The following EPB41L3 variants were observed in gnomAD, a reference collection of about 807,000 sequenced individuals.
EPB41L3 encodes the protein erythrocyte membrane protein band 4.1 like 3.
In EPB41L3, 57 loss-of-function variants were observed where a neutral mutation model predicts 127.1. The ratio of observed to expected loss-of-function variants is 0.45; its 90% CI spans 0.36 to 0.56. The LOEUF (loss-of-function observed/expected upper bound fraction) is 0.56, where lower values mean the gene tolerates loss of function less well. EPB41L3 is among the 20% of genes least tolerant of loss of function. The probability of loss-of-function intolerance (pLI) is 0.00; values close to 1 mark genes in which losing one functional copy is unlikely to be tolerated. For synonymous variants in EPB41L3, 572 were observed against 549.5 expected (o/e 1.04, Z -0.57); for missense variants, 1,273 against 1,372.2 (o/e 0.93, Z 1.14).
intron 1 of EPB41L3, among the ~76,000 whole-genome samples, chr18:5,513,024 G>T (rs1409052811): frequency 6.6e-6 from 1 of 152,180 alleles, no homozygotes; most frequent in African/African-American, 2.4e-5. Flanking sequence ...GGGTGCTTGG[G>T]CATCTGGTGG....
chr18:5,410,204 T>C (rs1230104337), intron 14 of EPB41L3, among the ~76,000 whole-genome samples: 1 of 149,256 alleles, frequency 6.7e-6, no homozygotes, highest in Non-Finnish European at 1.5e-5. Context: ...TCATTTGAGA[T>C]AGAATTTTTT....
intron 1 of EPB41L3, among the ~76,000 whole-genome samples, chr18:5,525,383 A>G (rs1369178434): frequency 6.6e-6 from 1 of 152,218 alleles, no homozygotes; most frequent in African/African-American, 2.4e-5. Context: ...CAGTAACACA[A>G]TGAGGCCAGC....
At chr18:5,566,837 A>G (rs2027687) in intron 3 of EPB41L3, among the ~76,000 whole-genome samples, 86,338 of 143,338 alleles carry the variant, frequency 0.6, 26,552 homozygotes, top group African/African-American at 0.62. Context: ...ATGGAGTCTC[A>G]CTCTCATGCC....
intron 16 of EPB41L3, among the ~76,000 whole-genome samples, chr18:5,402,052 G>T (rs1023572766): frequency 4.0e-5 from 6 of 151,716 alleles, no homozygotes; most frequent in South Asian, 4.1e-4. Flanking sequence ...TCATTTGTTT[G>T]CAAGAGATTG....
chr18:5,594,199 T>C (rs1719942), intron 3 of EPB41L3, among the ~76,000 whole-genome samples: 60,686 of 152,008 alleles, frequency 0.4, 12,770 homozygotes, highest in Non-Finnish European at 0.47. Flanking sequence ...TATAAAAGTA[T>C]TAATTTGGGG....
rs1470541052 is a variant in EPB41L3 at position 5,408,296 on chromosome 18, CAG to C, written c.2122-562_2122-561del. 5.1e-3 allele frequency among the ~76,000 whole-genome samples: 682 copies of C among 133,316 alleles called. 25 individuals carry two copies. The Admixed American group carries it at 0.051, about 10-fold the overall frequency. 87.5% of individuals were successfully genotyped at this position (133,316 alleles called of 152,430 possible). A position where few individuals can be genotyped will look rare whatever the true frequency, so the allele number is the denominator to read the frequency against. ...TTCTTTTTTTTTTTTTTTTTTGAGA[CAG>C]AGTCTCGCTTTGTTGTCCAGGCTGG... On this transcript the variant is annotated intron_variant, in intron 14 of 22. Coordinates refer to ENST00000341928, the MANE Select transcript of EPB41L3 (RefSeq NM_012307.5).
intron 14 of EPB41L3, 52 bp from the exon 15 acceptor site, chr18:5,407,788 TAA>T (rs1293347478): frequency 6.4e-7 from 1 of 1,569,656 alleles, no homozygotes; most frequent in South Asian, 1.1e-5. Flanking sequence ...CAATTTACTC[TAA>T]GATTGAAGAA....
At chr18:5,408,931 A>G (rs2075847119) in intron 14 of EPB41L3, among the ~76,000 whole-genome samples, 1 of 152,246 alleles carries the variant, frequency 6.6e-6, no homozygotes, top group African/African-American at 2.4e-5. Context: ...TTGTGCTAGA[A>G]GAGGAGACCC....
chr18:5,516,028 G>C (rs538033087), intron 1 of EPB41L3, among the ~76,000 whole-genome samples: 2 of 152,336 alleles, frequency 1.3e-5, no homozygotes, highest in South Asian at 2.1e-4. Flanking sequence ...CCCATAGAAA[G>C]TTAGACATGC....
rs1260829490 is a variant in EPB41L3 at position 5,480,967 on chromosome 18, AAC to A, written c.184-2531_184-2530del. 7 of 152,220 alleles carry A rather than the reference AAC, an allele frequency of 4.6e-5. No homozygotes were observed. In the South Asian group the frequency reaches 6.2e-4, roughly 13 times the overall value. 9.4% of individuals were successfully genotyped at this position (152,220 alleles called of 1,614,324 possible). A position where few individuals can be genotyped will look rare whatever the true frequency, so the allele number is the denominator to read the frequency against. On this transcript the variant is annotated intron_variant, in intron 2 of 22. Transcript: ENST00000341928. Reference sequence around the variant, plus strand: ...TTTTAAATGTTTGAAGATTAAAAAAAACAAAATAAACAAAAAGAAAGCCAGAC... The same window carrying A: ...TTTTAAATGTTTGAAGATTAAAAAAAAAAATAAACAAAAAGAAAGCCAGAC...
chr18:5,543,923 C>T lies in EPB41L3; in HGVS notation c.-22G>A. On this transcript the variant is annotated 5_prime_UTR_variant, in exon 1 of 23. Transcript: ENST00000341928. The surrounding 1 kb of genome is among the most constrained non-coding windows in gnomAD (Gnocchi z 5.2). The stretch of plus-strand genomic sequence containing the variant: ...AGGCGGAAAAGTTACCTGGGATCAG[C>T]AGGGAGCCCGGGCGCGCCGCGGCGT... 2.0e-6 allele frequency: 2 copies of T among 984,516 alleles called. No homozygotes were observed. The highest frequency in any genetic ancestry group is 1.8e-5 in the African/African-American group (1 of 56,924). The allele number at this position is 984,516 out of a possible 1,614,324, so 61.0% of individuals were successfully genotyped here. A position where few individuals can be genotyped will look rare whatever the true frequency, so the allele number is the denominator to read the frequency against.
At chr18:5,531,742 A>G (rs2093419389) in intron 1 of EPB41L3, among the ~76,000 whole-genome samples, 1 of 151,588 alleles carries the variant, frequency 6.6e-6, no homozygotes, top group South Asian at 2.1e-4. Context: ...AAAAAAAAAA[A>G]AAAAAAAAAA....
intron 3 of EPB41L3, among the ~76,000 whole-genome samples, chr18:5,591,922 G>A (rs2094489806): frequency 6.6e-6 from 1 of 151,966 alleles, no homozygotes; most frequent in African/African-American, 2.4e-5. Context: ...GCAACTGCTG[G>A]GTCAACTGTT....
chr18:5,418,784 G>C (rs1397731816), intron 12 of EPB41L3, among the ~76,000 whole-genome samples: 1 of 152,052 alleles, frequency 6.6e-6, no homozygotes, highest in Non-Finnish European at 1.5e-5. Flanking sequence ...TCATCAAAAG[G>C]AACACTTTCC....
chr18:5,470,350 C>T (rs1192623680), intron 3 of EPB41L3, among the ~76,000 whole-genome samples: 2 of 152,162 alleles, frequency 1.3e-5, no homozygotes, highest in East Asian at 3.8e-4. Flanking sequence ...AGCGCCCAAG[C>T]AAAACTTTAC....
At chr18:5,534,232 T>C (rs1006003616) in intron 1 of EPB41L3, among the ~76,000 whole-genome samples, 2 of 152,254 alleles carry the variant, frequency 1.3e-5, no homozygotes, top group Non-Finnish European at 2.9e-5. Context: ...TTCTTTGCTC[T>C]ATGCTAAACA....
chr18:5,505,597 CTCCACACCTTCACCTCCACCTCTATGG>C (rs1314620271), intron 1 of EPB41L3, among the ~76,000 whole-genome samples: 87 of 144,706 alleles, frequency 6.0e-4, no homozygotes, highest in Admixed American at 6.9e-4. Flanking sequence ...CACCCCTACT[CTCCACACCTTCACCTCCACCTCTATGG>C]TCCACACCTT....
intron 2 of EPB41L3, among the ~76,000 whole-genome samples, chr18:5,487,530 C>A (rs1328582972): frequency 6.8e-6 from 1 of 147,492 alleles, no homozygotes; most frequent in African/African-American, 2.5e-5. Context: ...CTTGCTCTGT[C>A]GCCCAGTCTG....
chr18:5,432,045 T>C (rs2079077139), intron 8 of EPB41L3, among the ~76,000 whole-genome samples: 1 of 152,196 alleles, frequency 6.6e-6, no homozygotes. Context: ...ATTTTGCTAG[T>C]GCTCAGGCCT....
Sources: gnomAD v4.1 joint callset for allele counts (sites outside exome capture counted in the v4.1 genomes callset) on GRCh38, gnomAD v4.1.1 for gene constraint, Gnocchi (gnomAD v3.1) non-coding constraint, MANE v1.5 for transcripts, NCBI Gene and HGNC (gene_info 2026-07-23, HGNC 2026-07-21) for gene names.